Variants in FARS2 observed in about 807,000 individuals in gnomAD.
FARS2 encodes the protein phenylalanine--tRNA ligase, mitochondrial.
A neutral mutation model predicts 46.4 loss-of-function variants in FARS2; 40 were observed. That is an observed-to-expected ratio of 0.86 (90% CI 0.67 to 1.12). The LOEUF is 1.12. Among genes scored for constraint, FARS2 ranks in the 50% most tolerant of loss-of-function variants. The probability of loss-of-function intolerance (pLI) is 0.00; values close to 1 mark genes in which losing one functional copy is unlikely to be tolerated. For missense variants in FARS2, 513 were observed against 567.9 expected (o/e 0.90, Z 0.98); for synonymous variants, 234 against 214.9 (o/e 1.09, Z -0.78).
intron 2 of FARS2, among the ~76,000 whole-genome samples, chr6:5,381,017 A>ATTTATTT (rs1561998609): frequency 0.082 from 7,431 of 90,918 alleles, 592 homozygotes; most frequent in African/African-American, 0.19. Flanking sequence ...TTTATTTATT[A>ATTTATTT]TGAGACAGAG....
intron 2 of FARS2, among the ~76,000 whole-genome samples, chr6:5,399,359 A>G (rs1206298372): frequency 6.6e-6 from 1 of 151,868 alleles, no homozygotes; most frequent in South Asian, 2.1e-4. Flanking sequence ...ATTTTTTGGT[A>G]GAGATGGTGT....
intron 6 of FARS2, 133 bp downstream of exon 6, chr6:5,613,453 TAGCTTA>T: frequency 1.6e-6 from 1 of 640,560 alleles, no homozygotes; most frequent in Non-Finnish European, 2.6e-6. Context: ...AGTGAATGTA[TAGCTTA>T]TCAGAAAACT....
chr6:5,285,368 A>G (rs1456727205), intron 1 of FARS2, among the ~76,000 whole-genome samples: 1 of 152,154 alleles, frequency 6.6e-6, no homozygotes. Flanking sequence ...CTGCCGGAGG[A>G]TGAGGCCTGT....
intron 6 of FARS2, among the ~76,000 whole-genome samples, chr6:5,622,867 A>G (rs7743117): frequency 0.069 from 10,435 of 152,240 alleles, 1,059 homozygotes; most frequent in African/African-American, 0.22. Flanking sequence ...TGCAATGTTT[A>G]TATCAGTGGA....
intron 6 of FARS2, among the ~76,000 whole-genome samples, chr6:5,632,637 T>TCTTC (rs796749849): frequency 2.1e-5 from 3 of 141,176 alleles, no homozygotes; most frequent in Non-Finnish European, 4.6e-5. Context: ...CTCCCTCCCT[T>TCTTC]CTTCCTTCCT....
At chr6:5,618,021 G>A (rs778288898) in intron 6 of FARS2, among the ~76,000 whole-genome samples, 1 of 152,284 alleles carries the variant, frequency 6.6e-6, no homozygotes, top group Non-Finnish European at 1.5e-5. Context: ...GACGTTGTGG[G>A]TCATAAGATT....
chr6:5,322,309 G>C (rs142614750), intron 1 of FARS2, among the ~76,000 whole-genome samples: 1 of 152,178 alleles, frequency 6.6e-6, no homozygotes, highest in Admixed American at 6.5e-5. Context: ...AGTTAAAAAA[G>C]TTAGATTATA....
At chr6:5,365,430 A>G (rs1459905766) in intron 1 of FARS2, among the ~76,000 whole-genome samples, 2 of 140,838 alleles carry the variant, frequency 1.4e-5, no homozygotes, top group Non-Finnish European at 3.0e-5. Flanking sequence ...TCCTGGGTTC[A>G]TGCAGTCCTC....
intron 1 of FARS2, among the ~76,000 whole-genome samples, chr6:5,301,540 C>T (rs1768298915): frequency 6.6e-6 from 1 of 152,136 alleles, no homozygotes; most frequent in South Asian, 2.1e-4. Context: ...CTGCCAGCCC[C>T]ATTCTTATCT....
At chr6:5,395,146 G>A (rs552585956) in intron 2 of FARS2, among the ~76,000 whole-genome samples, 1 of 152,256 alleles carries the variant, frequency 6.6e-6, no homozygotes, top group African/African-American at 2.4e-5. Flanking sequence ...TGCCTCATAG[G>A]TTCAAGCGAT....
chr6:5,311,449 T>G lies in FARS2; in HGVS notation c.-22+49789T>G, dbSNP rs1004962731. On this transcript the variant is annotated intron_variant, in intron 1 of 6. Transcript: ENST00000274680. The surrounding 1 kb of genome is among the most constrained non-coding windows in gnomAD (Gnocchi z 4.1). ...ATTTGGCATGTTTTATTATTCTCAT[T>G]ATTTTTAACTCAACAGTTATCTGAG... Among the ~76,000 whole-genome samples, 8 of 152,198 alleles carry G rather than the reference T, an allele frequency of 5.3e-5. No individual in the cohort carries two copies. Among genetic ancestry groups the G allele is most frequent in the African/African-American group, 1.9e-4 (8 of 41,458 alleles).
intron 1 of FARS2, among the ~76,000 whole-genome samples, chr6:5,359,027 AC>A (rs527373601): frequency 0.58 from 26,536 of 46,082 alleles, 9,636 homozygotes; most frequent in Middle Eastern, 0.68. Flanking sequence ...ATGAAAAGAT[AC>A]CCTTTTTTTT....
At chr6:5,744,724 C>T (rs777603573) in intron 6 of FARS2, among the ~76,000 whole-genome samples, 16 of 152,334 alleles carry the variant, frequency 1.1e-4, no homozygotes, top group Non-Finnish European at 1.9e-4. Flanking sequence ...GTGGCTTCTG[C>T]AACACACCTC....
At chr6:5,667,646 G>A (rs1455536250) in intron 6 of FARS2, among the ~76,000 whole-genome samples, 2 of 152,112 alleles carry the variant, frequency 1.3e-5, no homozygotes, top group African/African-American at 4.8e-5. Flanking sequence ...ATCACTATCA[G>A]TACCAAACAT....
chr6:5,648,222 T>C (rs1303461116), intron 6 of FARS2, among the ~76,000 whole-genome samples: 1 of 152,182 alleles, frequency 6.6e-6, no homozygotes, highest in African/African-American at 2.4e-5. Context: ...CACAGTAGCC[T>C]CATGTCCTTT....
intron 1 of FARS2, among the ~76,000 whole-genome samples, chr6:5,359,682 A>C (rs192608030): frequency 6.6e-6 from 1 of 152,378 alleles, no homozygotes; most frequent in African/African-American, 2.4e-5. Context: ...TCCAGTGCCA[A>C]ACTCTTACTG....
intron 6 of FARS2, among the ~76,000 whole-genome samples, chr6:5,670,900 G>A (rs1778421723): frequency 6.6e-6 from 1 of 152,112 alleles, no homozygotes; most frequent in African/African-American, 2.4e-5. Context: ...GAAATCAGGT[G>A]GCTTTTTATT....
chr6:5,297,015 G>A lies in FARS2; in HGVS notation c.-22+35355G>A, dbSNP rs529177346. ...AACCTCCATACTGTTTTCCACAGTG[G>A]CTGTACCATTTTACATTCCCACCAG... is the stretch of plus-strand genomic sequence containing the variant. On this transcript the variant is annotated intron_variant, in intron 1 of 6. Transcript: ENST00000274680. 1.2e-3 allele frequency among the ~76,000 whole-genome samples: 190 copies of A among 152,316 alleles called. 1 individual carries two copies. The highest frequency in any genetic ancestry group is 4.3e-3 in the African/African-American group (180 of 41,576).
At chr6:5,356,144 T>C (rs1236378695) in intron 1 of FARS2, among the ~76,000 whole-genome samples, 1 of 152,192 alleles carries the variant, frequency 6.6e-6, no homozygotes, top group Non-Finnish European at 1.5e-5. Flanking sequence ...GTTGGTGATT[T>C]TGCTGTTTAA....
Sources: gnomAD v4.1 joint callset for allele counts (sites outside exome capture counted in the v4.1 genomes callset) on GRCh38, gnomAD v4.1.1 for gene constraint, Gnocchi (gnomAD v3.1) non-coding constraint, MANE v1.5 for transcripts, NCBI Gene and HGNC (gene_info 2026-07-23, HGNC 2026-07-21) for gene names.